Variants in SGCD observed in about 807,000 individuals in gnomAD.
The protein encoded by SGCD is delta-sarcoglycan.
In SGCD, 18 loss-of-function variants were observed where a neutral mutation model predicts 36.6. The ratio of observed to expected loss-of-function variants is 0.49; its 90% confidence interval spans 0.34 to 0.73. SGCD has a LOEUF of 0.73. Ranked by LOEUF, SGCD falls within the 30% of genes least tolerant of loss-of-function variation. The pLI, the probability that SGCD is intolerant of heterozygous loss-of-function variation, is 0.01. For missense variants in SGCD, 387 were observed against 346.7 expected (o/e 1.12, Z -0.92); for synonymous variants, 133 against 130.6 (o/e 1.02, Z -0.12).
At chr5:156,335,912 C>T (rs761354803) in intron 2 of SGCD, among the ~76,000 whole-genome samples, 11 of 152,324 alleles carry the variant, frequency 7.2e-5, no homozygotes, top group South Asian at 2.1e-4. Flanking sequence ...GCAGTAGTCG[C>T]GGGCACCTGT....
intron 7 of SGCD, among the ~76,000 whole-genome samples, chr5:156,684,822 G>C (rs1292478367): frequency 6.6e-6 from 1 of 152,142 alleles, no homozygotes; most frequent in East Asian, 1.9e-4. Context: ...GAAGGTTATG[G>C]GGGATGGTTG....
At chr5:156,655,787 A>G (rs915691085) in intron 7 of SGCD, among the ~76,000 whole-genome samples, 3 of 152,160 alleles carry the variant, frequency 2.0e-5, no homozygotes, top group African/African-American at 7.2e-5. Context: ...AACTATGAAT[A>G]TCTTAAATGT....
intron 3 of SGCD, among the ~76,000 whole-genome samples, chr5:156,144,061 A>G (rs1432123609): frequency 6.6e-6 from 1 of 152,072 alleles, no homozygotes; most frequent in Non-Finnish European, 1.5e-5. Flanking sequence ...TACAAAGGAC[A>G]TGAACTCTTC....
chr5:156,486,096 C>T (rs962413024), intron 3 of SGCD, among the ~76,000 whole-genome samples: 1 of 152,032 alleles, frequency 6.6e-6, no homozygotes, highest in Admixed American at 6.5e-5. Context: ...TTTGAGATCC[C>T]AGCTCTCAGC....
intron 4 of SGCD, among the ~76,000 whole-genome samples, chr5:156,538,105 G>A (rs1400107654): frequency 2.0e-5 from 3 of 148,180 alleles, no homozygotes; most frequent in African/African-American, 7.4e-5. Context: ...AATATATTTG[G>A]AAAAAAAAAA....
At chr5:156,133,116 A>G (rs1289836456) in intron 3 of SGCD, among the ~76,000 whole-genome samples, 1 of 152,136 alleles carries the variant, frequency 6.6e-6, no homozygotes, top group Non-Finnish European at 1.5e-5. Flanking sequence ...GAGTGTTTGT[A>G]TCAGATAAGC....
intron 6 of SGCD, among the ~76,000 whole-genome samples, chr5:156,635,866 C>T (rs549341567): frequency 7.2e-6 from 1 of 139,734 alleles, no homozygotes; most frequent in African/African-American, 2.7e-5. Flanking sequence ...AGGGGAACAT[C>T]ACACATGGGG....
chr5:156,729,316 A>C (rs1388598932), intron 7 of SGCD, among the ~76,000 whole-genome samples: 1 of 152,168 alleles, frequency 6.6e-6, no homozygotes, highest in Non-Finnish European at 1.5e-5. Flanking sequence ...CATCCCCCTG[A>C]CTGGCATTGA....
At chr5:156,727,586 A>C (rs1755841140) in intron 7 of SGCD, among the ~76,000 whole-genome samples, 1 of 152,236 alleles carries the variant, frequency 6.6e-6, no homozygotes, top group African/African-American at 2.4e-5. Context: ...ATAATGTTAG[A>C]ATAGCAGTGT....
At chr5:156,120,963 G>T (rs1047576134) in intron 2 of SGCD, among the ~76,000 whole-genome samples, 1 of 152,208 alleles carries the variant, frequency 6.6e-6, no homozygotes, top group Middle Eastern at 3.4e-3. Flanking sequence ...TCCTCAAATT[G>T]CCGGGTACGA....
chr5:156,199,190 A>T (rs966327715), intron 3 of SGCD, among the ~76,000 whole-genome samples: 1 of 152,138 alleles, frequency 6.6e-6, no homozygotes, highest in Non-Finnish European at 1.5e-5. Context: ...ACTTAGCTTT[A>T]GAGCCATTTC....
chr5:156,673,262 T>C (rs1408288348), intron 7 of SGCD, among the ~76,000 whole-genome samples: 1 of 152,258 alleles, frequency 6.6e-6, no homozygotes, highest in African/African-American at 2.4e-5. Flanking sequence ...TTCTTTTTTC[T>C]ATTCATAATA....
At chr5:156,438,771 TAATTATGAC>T (rs1331671543) in intron 3 of SGCD, among the ~76,000 whole-genome samples, 2 of 152,192 alleles carry the variant, frequency 1.3e-5, no homozygotes, top group African/African-American at 4.8e-5. Context: ...GCACCTAGTT[TAATTATGAC>T]AGCCAAGTAG....
intron 7 of SGCD, among the ~76,000 whole-genome samples, chr5:156,742,172 G>A (rs575631501): frequency 1.4e-4 from 22 of 152,196 alleles, no homozygotes; most frequent in Non-Finnish European, 2.8e-4. Flanking sequence ...CACCGTGCCC[G>A]GCCTCAGGTT....
chr5:156,162,437 G>A (rs1004949119), intron 3 of SGCD, among the ~76,000 whole-genome samples: 3 of 151,452 alleles, frequency 2.0e-5, no homozygotes, highest in Admixed American at 6.6e-5. Context: ...AGTGTGGCGT[G>A]AGGTCTTAAT....
intron 4 of SGCD, among the ~76,000 whole-genome samples, chr5:156,525,929 T>C (rs1757624675): frequency 6.6e-6 from 1 of 152,180 alleles, no homozygotes; most frequent in Non-Finnish European, 1.5e-5. Context: ...TTCTGTTCCA[T>C]TTATCTATGT....
intron 1 of SGCD, among the ~76,000 whole-genome samples, chr5:155,968,650 C>T (rs780781402): frequency 3.5e-4 from 53 of 151,950 alleles, no homozygotes; most frequent in Admixed American, 9.9e-4. Context: ...AGTTCAGTAC[C>T]GTCTATGGTT....
chr5:156,314,891 C>T (rs1767475098), intron 3 of SGCD, among the ~76,000 whole-genome samples: 1 of 151,828 alleles, frequency 6.6e-6, no homozygotes, highest in African/African-American at 2.4e-5. Flanking sequence ...TTTTCAGTTA[C>T]ATTACTTTTT....
At chr5:155,911,618 G>T (rs1205836410) in intron 1 of SGCD, among the ~76,000 whole-genome samples, 4 of 151,884 alleles carry the variant, frequency 2.6e-5, no homozygotes, top group Admixed American at 2.6e-4. Flanking sequence ...TACTTATTTT[G>T]CTACTTCCCT....
Sources: allele counts gnomAD v4.1 joint callset (sites outside exome capture counted in the v4.1 genomes callset), GRCh38; gene constraint gnomAD v4.1.1; transcripts MANE v1.5; gene names NCBI Gene and HGNC (gene_info 2026-07-23, HGNC 2026-07-21).